The following UBE2H variants were observed in gnomAD, a reference collection of about 807,000 sequenced individuals.
UBE2H encodes the protein ubiquitin conjugating enzyme E2 H.
Under a neutral mutation model 29.0 loss-of-function variants are expected in UBE2H, and 3 were observed. The observed-to-expected ratio is 0.10, with a 90% CI of 0.05 to 0.27. The LOEUF (loss-of-function observed/expected upper bound fraction) is 0.27, where lower values mean the gene tolerates loss of function less well. Among genes scored for constraint, UBE2H ranks in the 10% least tolerant of loss-of-function variants. UBE2H has a pLI of 1.00. For missense variants in UBE2H, 68 were observed against 228.2 expected (o/e 0.30, Z 4.52); for synonymous variants, 69 against 82.9 (o/e 0.83, Z 0.91).
intron 1 of UBE2H, 129 bp downstream of exon 1, chr7:129,952,374 T>C (rs948315362): frequency 1.2e-5 from 14 of 1,184,602 alleles, no homozygotes; most frequent in South Asian, 5.2e-5. Context: ...CCGTAGGCAC[T>C]GGGGGAGGAG....
chr7:129,874,890 A>C (rs1422646925), intron 3 of UBE2H, among the ~76,000 whole-genome samples: 5 of 152,206 alleles, frequency 3.3e-5, no homozygotes, highest in Non-Finnish European at 7.3e-5. Context: ...CTAAACTCTA[A>C]GCAGAAAACA....
At chr7:129,858,303 T>A (rs1053000109) in intron 4 of UBE2H, among the ~76,000 whole-genome samples, 37 of 152,134 alleles carry the variant, frequency 2.4e-4, no homozygotes, top group Non-Finnish European at 5.9e-5. Context: ...TACAACCTAC[T>A]CACACAGAGT....
intron 2 of UBE2H, 81 bp from the exon 3 acceptor site, chr7:129,879,723 C>T: frequency 7.6e-7 from 1 of 1,308,944 alleles, no homozygotes; most frequent in Non-Finnish European, 1.1e-6. Context: ...AACATTATCC[C>T]CTAATCTTCT....
At chr7:129,854,647 CTTT>C (rs1563023206) in intron 5 of UBE2H, among the ~76,000 whole-genome samples, 1 of 152,196 alleles carries the variant, frequency 6.6e-6, no homozygotes, top group African/African-American at 2.4e-5. Context: ...ATGTTGGCCA[CTTT>C]ACAAAGTAGT....
chr7:129,945,298 C>T lies in UBE2H; in HGVS notation c.53+7205G>A, dbSNP rs539053523. Reference sequence around the variant, plus strand: ...CAATAACAAAAAAGAATCCAAGATGCCAAAACTAATTCTACAGTTCCTGTT... The same window carrying T: ...CAATAACAAAAAAGAATCCAAGATGTCAAAACTAATTCTACAGTTCCTGTT... On this transcript the variant is annotated intron_variant, in intron 1 of 6. Transcript: ENST00000355621. Among the ~76,000 whole-genome samples, 10 of 152,262 alleles carry T rather than the reference C, an allele frequency of 6.6e-5. No individual in the cohort carries two copies. The South Asian group carries it at 2.1e-3, about 32-fold the overall frequency.
intron 3 of UBE2H, among the ~76,000 whole-genome samples, chr7:129,877,771 A>G (rs1461428634): frequency 6.6e-6 from 1 of 151,878 alleles, no homozygotes; most frequent in Non-Finnish European, 1.5e-5. Context: ...AAGTTTAGAC[A>G]TTATTACCTA....
chr7:129,942,137 C>T (rs1807658409), intron 1 of UBE2H, among the ~76,000 whole-genome samples: 3 of 137,838 alleles, frequency 2.2e-5, no homozygotes, highest in South Asian at 2.3e-4. Context: ...GTTCAGAATC[C>T]GGAAGTTCGA....
intron 6 of UBE2H, 101 bp from the exon 7 acceptor site, chr7:129,835,162 T>C: frequency 1.3e-6 from 2 of 1,519,976 alleles, no homozygotes; most frequent in Non-Finnish European, 9.0e-7. Context: ...CAAACTTACC[T>C]TGAACACCAG....
At chr7:129,910,711 G>A (rs571645313) in intron 1 of UBE2H, among the ~76,000 whole-genome samples, 261 of 151,726 alleles carry the variant, frequency 1.7e-3, no homozygotes, top group Non-Finnish European at 2.5e-3. Flanking sequence ...GTGAAACCCC[G>A]TCTCTACTAA....
chr7:129,862,963 A>C (rs1405498671), intron 3 of UBE2H, among the ~76,000 whole-genome samples: 2 of 152,178 alleles, frequency 1.3e-5, no homozygotes, highest in Non-Finnish European at 2.9e-5. Flanking sequence ...AGCAAAACAA[A>C]ATGGGAATCC....
chr7:129,873,865 T>G (rs1418639440), intron 3 of UBE2H, among the ~76,000 whole-genome samples: 2 of 152,174 alleles, frequency 1.3e-5, no homozygotes, highest in African/African-American at 4.8e-5. Flanking sequence ...CTTCCCAGCT[T>G]TGGTATCATC....
At chr7:129,943,532 T>C (rs772675059) in intron 1 of UBE2H, among the ~76,000 whole-genome samples, 5 of 116,278 alleles carry the variant, frequency 4.3e-5, no homozygotes, top group Middle Eastern at 8.9e-3. Flanking sequence ...TGCAGTGAGT[T>C]GAAATCGCAC....
chr7:129,901,201 G>A (rs535467279), intron 1 of UBE2H, among the ~76,000 whole-genome samples: 1 of 152,202 alleles, frequency 6.6e-6, no homozygotes, highest in East Asian at 1.9e-4. Context: ...ATGAGTATTT[G>A]TATTTAAATG....
chr7:129,950,818 G>T (rs1218530000), intron 1 of UBE2H, among the ~76,000 whole-genome samples: 5 of 152,154 alleles, frequency 3.3e-5, no homozygotes, highest in Non-Finnish European at 5.9e-5. Context: ...AAGTTTTCCT[G>T]CAGCCTTATG....
intron 3 of UBE2H, among the ~76,000 whole-genome samples, chr7:129,863,045 G>A (rs1349822554): frequency 6.6e-6 from 1 of 152,142 alleles, no homozygotes; most frequent in Non-Finnish European, 1.5e-5. Context: ...AAATAACTAT[G>A]GTAAGCTTTA....
At chr7:129,890,347 A>G (rs1377577365) in intron 1 of UBE2H, among the ~76,000 whole-genome samples, 5 of 151,644 alleles carry the variant, frequency 3.3e-5, no homozygotes, top group African/African-American at 7.3e-5. Flanking sequence ...ATATATATGT[A>G]TGTATATATA....
At chr7:129,846,416 C>G (rs931908502) in intron 5 of UBE2H, among the ~76,000 whole-genome samples, 1 of 151,660 alleles carries the variant, frequency 6.6e-6, no homozygotes, top group Non-Finnish European at 1.5e-5. Flanking sequence ...GCCTGTGGTT[C>G]CAACTACTCA....
intron 1 of UBE2H, among the ~76,000 whole-genome samples, chr7:129,909,731 A>G (rs1806891799): frequency 6.6e-6 from 1 of 152,132 alleles, no homozygotes; most frequent in Non-Finnish European, 1.5e-5. Flanking sequence ...CCACCTCTTT[A>G]GTAATAAATA....
chr7:129,890,349 G>A (rs1054599036), intron 1 of UBE2H, among the ~76,000 whole-genome samples: 2 of 151,228 alleles, frequency 1.3e-5, no homozygotes, highest in African/African-American at 2.4e-5. Flanking sequence ...ATATATGTAT[G>A]TATATATACA....
Sources: allele counts gnomAD v4.1 joint callset (sites outside exome capture counted in the v4.1 genomes callset), GRCh38; gene constraint gnomAD v4.1.1; transcripts MANE v1.5; gene names NCBI Gene and HGNC (gene_info 2026-07-23, HGNC 2026-07-21).